The following MPHOSPH9 variants were observed in gnomAD, a reference collection of about 807,000 sequenced individuals.
The protein encoded by MPHOSPH9 is M-phase phosphoprotein 9.
A neutral mutation model predicts 145.5 loss-of-function variants in MPHOSPH9; 88 were observed. The observed-to-expected ratio is 0.60, with a 90% confidence interval of 0.51 to 0.72. MPHOSPH9 has a LOEUF of 0.72. MPHOSPH9 is among the 30% of genes least tolerant of loss of function. The probability of loss-of-function intolerance (pLI) is 0.00; values close to 1 mark genes in which losing one functional copy is unlikely to be tolerated. For missense variants in MPHOSPH9, 1,238 were observed against 1,386.6 expected (o/e 0.89, Z 1.70); for synonymous variants, 435 against 486.2 (o/e 0.89, Z 1.39).
chr12:123,242,376 T>C (rs1398004473), intron 1 of MPHOSPH9, among the ~76,000 whole-genome samples: 1 of 152,188 alleles, frequency 6.6e-6, no homozygotes, highest in African/African-American at 2.4e-5. Flanking sequence ...CATTTTTCTT[T>C]TTCTCTTTTT....
rs767913781 is a variant in MPHOSPH9 at position 123,165,444 on chromosome 12, A to C, written c.2625T>G (p.Pro875=). 6.2e-7 allele frequency: 1 copy of C among 1,613,812 alleles called. No homozygotes were observed. Among genetic ancestry groups the C allele is most frequent in the African/African-American group, 1.3e-5 (1 of 74,896 alleles). ...TCAACAAGCTTGTTGATGAACTTCC[A>C]GGTGAAGAATCCTTTTCCAGAGGTG... ...HRSPLEKDSS[P]GSSSTSLLIK... Residue 875 remains proline, a synonymous_variant, in exon 18 of 24, where the codon CCT becomes CCG. Coordinates refer to ENST00000606320, the MANE Select transcript of MPHOSPH9 (RefSeq NM_022782.4).
chr12:123,172,870 A>C (rs1395705503), intron 16 of MPHOSPH9, among the ~76,000 whole-genome samples: 111 of 32,670 alleles, frequency 3.4e-3, no homozygotes, highest in East Asian at 0.015. Flanking sequence ...GTTTTCATTC[A>C]CTTTTTTTTT....
intron 12 of MPHOSPH9, among the ~76,000 whole-genome samples, chr12:123,196,863 T>C (rs2045970188): frequency 6.6e-6 from 1 of 152,032 alleles, no homozygotes; most frequent in African/African-American, 2.4e-5. Context: ...TGGATAAACC[T>C]TGAAAATATT....
intron 13 of MPHOSPH9, among the ~76,000 whole-genome samples, chr12:123,192,900 A>T (rs1219096841): frequency 4.0e-5 from 6 of 151,268 alleles, no homozygotes; most frequent in Non-Finnish European, 7.4e-5. Context: ...CAGCATGGTG[A>T]AATCACATCT....
intron 13 of MPHOSPH9, among the ~76,000 whole-genome samples, chr12:123,193,116 CACACA>C (rs2138239593): frequency 8.5e-6 from 1 of 117,936 alleles, no homozygotes; most frequent in South Asian, 3.0e-4. Context: ...TATACACACA[CACACA>C]CACACACACA....
chr12:123,227,659 C>T, intron 2 of MPHOSPH9, 43 bp from the exon 3 acceptor site: 1 of 1,447,378 alleles, frequency 6.9e-7, no homozygotes, highest in Non-Finnish European at 9.1e-7. Context: ...TTCATTCTAT[C>T]AAAGTGTTGA....
At position 123,228,465 on chromosome 12, in the gene MPHOSPH9, G is replaced by A. The variant is rs561723675; in HGVS notation, c.105-849C>T. 6.8e-4 allele frequency among the ~76,000 whole-genome samples: 104 copies of A among 152,292 alleles called. 1 individual carries two copies. The highest frequency in any genetic ancestry group is 2.3e-3 in the African/African-American group (97 of 41,556). The stretch of plus-strand genomic sequence containing the variant: ...AGCACTTTGGGAGGCCAAGGCGGGC[G>A]GATCACCAGGTCAGGAGATCAAGAC... On this transcript the variant is annotated intron_variant, in intron 2 of 23. Transcript: ENST00000606320.
At chr12:123,165,692 G>T in intron 17 of MPHOSPH9, 1 of 475,680 alleles carries the variant, frequency 2.1e-6, no homozygotes, top group Non-Finnish European at 3.7e-6. Context: ...AAAGAGGCAG[G>T]AGCGCTCTCT....
At chr12:123,189,947 C>A (rs1428772187) in intron 13 of MPHOSPH9, among the ~76,000 whole-genome samples, 1 of 149,792 alleles carries the variant, frequency 6.7e-6, no homozygotes, top group East Asian at 2.0e-4. Context: ...AAAAAAAAAA[C>A]AAAAACAAAA....
intron 8 of MPHOSPH9, among the ~76,000 whole-genome samples, chr12:123,204,319 A>G (rs2046335952): frequency 6.6e-6 from 1 of 150,950 alleles, no homozygotes; most frequent in Admixed American, 6.6e-5. Context: ...AAAAAAAAAG[A>G]AAACAAGATA....
Position 123,155,845 on chromosome 12 carries a change from G to C in MPHOSPH9, c.*962C>G, listed in dbSNP as rs757117544. ...CACTCCCTGTCCATTAACAAATACA[G>C]TAGATTGTGATGATCTAAAGTCTAG... On this transcript the variant is annotated 3_prime_UTR_variant, in exon 24 of 24. Coordinates refer to ENST00000606320, the MANE Select transcript of MPHOSPH9 (RefSeq NM_022782.4). 1 of 152,212 alleles carries C rather than the reference G, an allele frequency of 6.6e-6. No homozygotes were observed. The highest frequency in any genetic ancestry group is 2.4e-5 in the African/African-American group (1 of 41,446). The allele number at this position is 152,212 out of a possible 1,614,324, so 9.4% of individuals were successfully genotyped here. A position where few individuals can be genotyped will look rare whatever the true frequency, so the allele number is the denominator to read the frequency against.
At chr12:123,215,586 A>G (rs1180564853) in intron 6 of MPHOSPH9, among the ~76,000 whole-genome samples, 2 of 152,222 alleles carry the variant, frequency 1.3e-5, no homozygotes, top group African/African-American at 4.8e-5. Context: ...AGCCTTAAGT[A>G]GTAGACTACT....
At chr12:123,236,111 G>T (rs957396355), upstream of MPHOSPH9, among the ~76,000 whole-genome samples, 1 of 151,910 alleles carries the variant, frequency 6.6e-6, no homozygotes, top group Admixed American at 6.6e-5. Flanking sequence ...TAAGGAAAAG[G>T]AGCTAACATT....
chr12:123,217,201 C>T (rs2047004681), intron 6 of MPHOSPH9, among the ~76,000 whole-genome samples: 1 of 151,524 alleles, frequency 6.6e-6, no homozygotes, highest in Admixed American at 6.6e-5. Context: ...GTTCAAATTT[C>T]AACCTTTTTT....
chr12:123,163,841 G>A, intron 19 of MPHOSPH9, 109 bp downstream of exon 19: 4 of 1,314,860 alleles, frequency 3.0e-6, no homozygotes, highest in Admixed American at 2.0e-5. Flanking sequence ...TACTCTACTA[G>A]GTGCTGAGGA....
chr12:123,180,918 T>C (rs939491842), intron 14 of MPHOSPH9, among the ~76,000 whole-genome samples: 1 of 152,224 alleles, frequency 6.6e-6, no homozygotes, highest in African/African-American at 2.4e-5. Context: ...TTTTGAACAA[T>C]TTCATTTCAA....
At chr12:123,230,908 T>G (rs952522113) in intron 1 of MPHOSPH9, among the ~76,000 whole-genome samples, 1 of 152,106 alleles carries the variant, frequency 6.6e-6, no homozygotes, top group African/African-American at 2.4e-5. Context: ...AAGGAGAGAA[T>G]GTGAGTGAGT....
In MPHOSPH9 at chr12:123,179,961, C is replaced by A; in HGVS notation, c.2319G>T (p.Leu773Phe). The A allele has an allele frequency of 6.8e-7, 1 of 1,462,590 alleles. No individual in the cohort carries two copies. Among genetic ancestry groups the A allele is most frequent in the Non-Finnish European group, 9.2e-7 (1 of 1,083,432 alleles). The allele number at this position is 1,462,590 out of a possible 1,614,324, so 90.6% of individuals were successfully genotyped here. Residue 773 changes from leucine to phenylalanine, a missense_variant, in exon 15 of 24, where the codon TTG becomes TTT. By Grantham distance (22) the Leu-to-Phe change is conservative. Coordinates refer to ENST00000606320, the MANE Select transcript of MPHOSPH9 (RefSeq NM_022782.4). ...KDALNTTENKLLDAYTQISDL... is the reference protein window; with the variant it reads ...KDALNTTENKFLDAYTQISDL... ...CAGAAATCTGAGTATATGCATCAAG[C>A]AATTTGTTCTCAGTTGTATTTAATG...
chr12:123,230,450 G>A lies in MPHOSPH9; in HGVS notation c.-86C>T, dbSNP rs1452786081. ...AAAATGAATCCGTGTCATCTTCAGAGGCTTCATCATCTACTGGCATTTTCA... is the reference window on the plus strand; with the variant it reads ...AAAATGAATCCGTGTCATCTTCAGAAGCTTCATCATCTACTGGCATTTTCA... On this transcript the variant is annotated 5_prime_UTR_variant, in exon 2 of 24. Transcript: ENST00000606320. The A allele has an allele frequency of 2.9e-6, 2 of 685,672 alleles. No individual in the cohort carries two copies. Among genetic ancestry groups the A allele is most frequent in the East Asian group, 6.2e-5 (2 of 32,356 alleles). 42.5% of individuals were successfully genotyped at this position (685,672 alleles called of 1,614,324 possible).
Sources: gnomAD v4.1 joint callset for allele counts (sites outside exome capture counted in the v4.1 genomes callset) on GRCh38, gnomAD v4.1.1 for gene constraint, MANE v1.5 for transcripts, NCBI Gene and HGNC (gene_info 2026-07-23, HGNC 2026-07-21) for gene names.